NEGR1: variants seen among roughly 807,000 people sequenced by gnomAD.
NEGR1 encodes neuronal growth regulator 1.
A neutral mutation model predicts 40.9 loss-of-function variants in NEGR1; 10 were observed. The ratio of observed to expected loss-of-function variants is 0.24; its 90% confidence interval spans 0.15 to 0.42. The LOEUF (loss-of-function observed/expected upper bound fraction) is 0.42. NEGR1 is among the 10% of genes least tolerant of loss of function. The pLI is 1.00. For missense variants in NEGR1, 352 were observed against 438.9 expected, an observed-to-expected ratio of 0.80 and a Z score of 1.77; for synonymous variants, 185 against 166.8, an observed-to-expected ratio of 1.11 and a Z score of -0.84.
chr1:71,560,175 G>T (rs1557566879), intron 6 of NEGR1, among the ~76,000 whole-genome samples: 1 of 151,120 alleles, frequency 6.6e-6, no homozygotes, highest in Non-Finnish European at 1.5e-5. Context: ...AACTGACAAA[G>T]ATCCTGAGAG....
At chr1:72,000,498 C>A (rs1398860878) in intron 1 of NEGR1, among the ~76,000 whole-genome samples, 7 of 151,926 alleles carry the variant, frequency 4.6e-5, no homozygotes, top group Non-Finnish European at 4.4e-5. Flanking sequence ...ACCAAAAATA[C>A]AATTTGAAAA....
intron 1 of NEGR1, among the ~76,000 whole-genome samples, chr1:72,033,511 G>T (rs1646876808): frequency 6.6e-6 from 1 of 152,134 alleles, no homozygotes; most frequent in African/African-American, 2.4e-5. Flanking sequence ...CTTAAAGTAT[G>T]AAACATTAAT....
At chr1:71,737,327 A>AC (rs1173416970) in intron 3 of NEGR1, among the ~76,000 whole-genome samples, 1 of 151,622 alleles carries the variant, frequency 6.6e-6, no homozygotes, top group Non-Finnish European at 1.5e-5. Context: ...CACCCGTTGG[A>AC]CAGAGGTGAG....
chr1:72,281,225 C>G (rs1348276324), intron 1 of NEGR1, among the ~76,000 whole-genome samples: 1 of 151,018 alleles, frequency 6.6e-6, no homozygotes, highest in Non-Finnish European at 1.5e-5. Context: ...TAGAAAGACA[C>G]AGAAAGAGAA....
At chr1:72,147,040 T>C (rs1650936608) in intron 1 of NEGR1, among the ~76,000 whole-genome samples, 1 of 152,192 alleles carries the variant, frequency 6.6e-6, no homozygotes, top group Non-Finnish European at 1.5e-5. Flanking sequence ...CCCATCTCTT[T>C]TACTATAAGG....
At chr1:72,131,851 C>T (rs897076935) in intron 1 of NEGR1, among the ~76,000 whole-genome samples, 1 of 152,238 alleles carries the variant, frequency 6.6e-6, no homozygotes, top group Non-Finnish European at 1.5e-5. Context: ...AATCCCAGCA[C>T]TTTGGGAGGC....
intron 1 of NEGR1, among the ~76,000 whole-genome samples, chr1:72,028,378 C>T (rs1481409305): frequency 1.3e-5 from 2 of 152,160 alleles, no homozygotes; most frequent in Non-Finnish European, 2.9e-5. Context: ...TCACACAAAA[C>T]ATCTATTTTT....
intron 4 of NEGR1, among the ~76,000 whole-genome samples, chr1:71,646,848 TA>T (rs1651547187): frequency 6.6e-6 from 1 of 151,836 alleles, no homozygotes; most frequent in African/African-American, 2.4e-5. Flanking sequence ...GGACAACTCA[TA>T]CACAATTGAA....
chr1:72,150,848 GA>G (rs1651100516), intron 1 of NEGR1, among the ~76,000 whole-genome samples: 1 of 151,840 alleles, frequency 6.6e-6, no homozygotes, highest in South Asian at 2.1e-4. Flanking sequence ...TCTACAACTT[GA>G]AAAACAAAAA....
intron 6 of NEGR1, among the ~76,000 whole-genome samples, chr1:71,552,257 A>G (rs1205141429): frequency 2.7e-5 from 4 of 150,814 alleles, no homozygotes; most frequent in Non-Finnish European, 4.4e-5. Flanking sequence ...CCTTAACTCT[A>G]ATGTTTTCCT....
At chr1:71,831,853 T>C (rs1658853133) in intron 2 of NEGR1, among the ~76,000 whole-genome samples, 1 of 151,146 alleles carries the variant, frequency 6.6e-6, no homozygotes. Flanking sequence ...TGCTTTTAAG[T>C]GTGGTGTCTA....
chr1:71,745,668 T>C (rs1225608442), intron 3 of NEGR1, among the ~76,000 whole-genome samples: 1 of 152,048 alleles, frequency 6.6e-6, no homozygotes, highest in Non-Finnish European at 1.5e-5. Context: ...AAACAATAAC[T>C]CAAAGTGAAG....
At chr1:71,478,503 T>C (rs1199698951) in intron 6 of NEGR1, among the ~76,000 whole-genome samples, 2 of 152,030 alleles carry the variant, frequency 1.3e-5, no homozygotes, top group African/African-American at 4.8e-5. Context: ...TTAGTGGCCG[T>C]CTCTTTCTCC....
intron 3 of NEGR1, among the ~76,000 whole-genome samples, chr1:71,775,544 C>T (rs116035377): frequency 6.2e-4 from 95 of 152,024 alleles, no homozygotes; most frequent in African/African-American, 2.2e-3. Context: ...TGGGGTTTCA[C>T]CATGACAGCC....
In NEGR1 at chr1:71,474,523, C is replaced by T. The variant is rs1428247908; in HGVS notation, c.941-66953G>A. Among the ~76,000 whole-genome samples the T allele has an allele frequency of 2.9e-5, 4 of 137,600 alleles. No individual in the cohort carries two copies. The South Asian group carries it at 9.6e-4, about 33-fold the overall frequency. 90.3% of individuals were successfully genotyped at this position (137,600 alleles called of 152,430 possible). On this transcript the variant is annotated intron_variant, in intron 6 of 6. Transcript: ENST00000357731. The stretch of plus-strand genomic sequence containing the variant: ...ACCCCATCTCTACTAACAATACACA[C>T]ACACACACACACACACACACACACA...
intron 6 of NEGR1, among the ~76,000 whole-genome samples, chr1:71,497,688 A>G (rs1228805371): frequency 6.6e-6 from 1 of 152,112 alleles, no homozygotes; most frequent in Non-Finnish European, 1.5e-5. Flanking sequence ...GCAAAATTCA[A>G]TTTTAGAAAC....
intron 1 of NEGR1, among the ~76,000 whole-genome samples, chr1:72,024,812 C>T (rs1489089915): frequency 3.3e-5 from 5 of 152,150 alleles, no homozygotes; most frequent in African/African-American, 1.2e-4. Flanking sequence ...CTAAACCTGA[C>T]GATTACAAAT....
chr1:71,998,234 A>T (rs1236188892), intron 1 of NEGR1, among the ~76,000 whole-genome samples: 2 of 151,916 alleles, frequency 1.3e-5, no homozygotes, highest in South Asian at 2.1e-4. Context: ...TGTGAAGATT[A>T]AACCAAATAA....
intron 1 of NEGR1, among the ~76,000 whole-genome samples, chr1:71,936,814 T>C (rs977034266): frequency 1.3e-5 from 2 of 152,200 alleles, no homozygotes; most frequent in African/African-American, 2.4e-5. Context: ...TGTTTAATAG[T>C]AGTCAGGCAC....
Sources: allele counts gnomAD v4.1 joint callset (sites outside exome capture counted in the v4.1 genomes callset), GRCh38; gene constraint gnomAD v4.1.1; transcripts MANE v1.5; gene names NCBI Gene and HGNC (gene_info 2026-07-23, HGNC 2026-07-21).